ZFAND6: variants seen among roughly 807,000 people sequenced by gnomAD.
ZFAND6 encodes zinc finger AN1-type containing 6.
ZFAND6 carries 12 observed loss-of-function variants against 24.5 expected under a neutral mutation model. That is an observed-to-expected ratio of 0.49 (90% CI 0.31 to 0.79). The LOEUF is 0.79. Among genes scored for constraint, ZFAND6 ranks in the 30% least tolerant of loss-of-function variants. The probability of loss-of-function intolerance (pLI) is 0.04; values close to 1 mark genes in which losing one functional copy is unlikely to be tolerated. For missense variants in ZFAND6, 207 were observed against 245.9 expected, an observed-to-expected ratio of 0.84 and a Z score of 1.06; for synonymous variants, 92 against 81.5, an observed-to-expected ratio of 1.13 and a Z score of -0.69.
At chr15:80,091,654 T>TA (rs2038384906) in intron 1 of ZFAND6, among the ~76,000 whole-genome samples, 3 of 151,768 alleles carry the variant, frequency 2.0e-5, no homozygotes, top group South Asian at 4.2e-4. Context: ...AAACTTTTTT[T>TA]AAGAGACAGG....
At chr15:80,122,921 C>A in intron 5 of ZFAND6, 121 bp downstream of exon 5, 1 of 604,914 alleles carries the variant, frequency 1.7e-6, no homozygotes, top group Non-Finnish European at 2.8e-6. Context: ...TCCCTATGAA[C>A]ACAATACTTT....
At chr15:80,060,157 C>T (rs1316534805) in intron 1 of ZFAND6, 1 of 152,084 alleles carries the variant, frequency 6.6e-6, no homozygotes, top group Non-Finnish European at 1.5e-5. Flanking sequence ...GCGCGCCGCC[C>T]CGAGCGGGTT....
At chr15:80,129,491 G>A (rs1223378592) in intron 5 of ZFAND6, 2 of 152,220 alleles carry the variant, frequency 1.3e-5, no homozygotes, top group Non-Finnish European at 2.9e-5. Flanking sequence ...AGGACTGGAG[G>A]TTCAGATGGG....
At chr15:80,116,159 G>T (rs528819880) in intron 2 of ZFAND6, among the ~76,000 whole-genome samples, 1 of 148,976 alleles carries the variant, frequency 6.7e-6, no homozygotes, top group East Asian at 2.0e-4. Context: ...GAGAGATATT[G>T]CAGGTCTGTT....
intron 2 of ZFAND6, among the ~76,000 whole-genome samples, chr15:80,104,835 A>T (rs894052119): frequency 6.6e-5 from 10 of 152,016 alleles, no homozygotes; most frequent in Non-Finnish European, 7.4e-5. Context: ...ATTTTTTTTT[A>T]ACCATTTTTA....
chr15:80,133,619 G>A (rs2040720935), intron 6 of ZFAND6, among the ~76,000 whole-genome samples: 1 of 152,166 alleles, frequency 6.6e-6, no homozygotes, highest in Non-Finnish European at 1.5e-5. Context: ...ACTATATTAA[G>A]TTGTTGGAGA....
intron 4 of ZFAND6, 100 bp from the exon 5 acceptor site, chr15:80,122,600 T>TTAA: frequency 1.4e-6 from 1 of 727,460 alleles, no homozygotes. Flanking sequence ...TGTTCTCATC[T>TTAA]TAATTATCTA....
intron 1 of ZFAND6, among the ~76,000 whole-genome samples, chr15:80,081,948 T>C (rs2037694735): frequency 6.6e-6 from 1 of 152,168 alleles, no homozygotes; most frequent in Admixed American, 6.5e-5. Context: ...TCTGAGACAT[T>C]CCTTGAAGAT....
intron 1 of ZFAND6, among the ~76,000 whole-genome samples, chr15:80,092,745 AT>A (rs1327476517): frequency 2.0e-5 from 3 of 152,154 alleles, no homozygotes; most frequent in African/African-American, 4.8e-5. Flanking sequence ...TACCAATAGA[AT>A]TTTTAAAAAT....
intron 2 of ZFAND6, among the ~76,000 whole-genome samples, chr15:80,104,575 C>T (rs1254658471): frequency 1.3e-5 from 2 of 152,290 alleles, no homozygotes; most frequent in East Asian, 1.9e-4. Context: ...CAGAAACTTA[C>T]ATTTTACTTT....
At chr15:80,116,295 C>G (rs1043281799) in intron 2 of ZFAND6, among the ~76,000 whole-genome samples, 3 of 152,096 alleles carry the variant, frequency 2.0e-5, no homozygotes, top group African/African-American at 7.2e-5. Flanking sequence ...GTTTTATAAG[C>G]AGTGGATTCT....
intron 1 of ZFAND6, among the ~76,000 whole-genome samples, chr15:80,086,797 G>A (rs868289228): frequency 3.9e-5 from 6 of 152,134 alleles, no homozygotes; most frequent in Non-Finnish European, 1.5e-5. Flanking sequence ...AACTGAAACT[G>A]TACCCATTAA....
intron 6 of ZFAND6, among the ~76,000 whole-genome samples, chr15:80,133,927 G>A (rs550963638): frequency 6.6e-6 from 1 of 151,484 alleles, no homozygotes; most frequent in Admixed American, 6.6e-5. Flanking sequence ...TTACATTAAT[G>A]CTTTGTCCCT....
chr15:80,085,421 A>G (rs1024184621), intron 1 of ZFAND6, among the ~76,000 whole-genome samples: 2 of 152,188 alleles, frequency 1.3e-5, no homozygotes, highest in African/African-American at 4.8e-5. Flanking sequence ...AAGTAAATTA[A>G]TTTTTTAAAC....
chr15:80,114,663 A>G (rs1026967305), intron 2 of ZFAND6, among the ~76,000 whole-genome samples: 1 of 152,144 alleles, frequency 6.6e-6, no homozygotes, highest in Non-Finnish European at 1.5e-5. Context: ...TTTAAATGAC[A>G]TGTGTGTGCT....
At chr15:80,112,432 C>T (rs2039656121) in intron 2 of ZFAND6, among the ~76,000 whole-genome samples, 1 of 152,026 alleles carries the variant, frequency 6.6e-6, no homozygotes, top group South Asian at 2.1e-4. Flanking sequence ...GAGTCTTGCT[C>T]TGTTGCCCAG....
At chr15:80,070,690 A>G (rs543189500) in intron 1 of ZFAND6, among the ~76,000 whole-genome samples, 33 of 152,348 alleles carry the variant, frequency 2.2e-4, no homozygotes, top group East Asian at 7.7e-4. Context: ...TATTTGTTTC[A>G]TAATTAACTT....
chr15:80,079,410 C>T (rs34112402), intron 1 of ZFAND6, among the ~76,000 whole-genome samples: 79,172 of 151,348 alleles, frequency 0.52, 22,664 homozygotes, highest in Non-Finnish European at 0.65. Flanking sequence ...TTAGTAGAGA[C>T]GGGGTTTCAC....
chr15:80,078,063 C>G lies in ZFAND6; in HGVS notation c.-181+18254C>G, dbSNP rs143547217. Among the ~76,000 whole-genome samples the G allele has an allele frequency of 4.7e-3, 720 of 152,096 alleles. 6 individuals carry two copies. Among genetic ancestry groups the G allele is most frequent in the African/African-American group, 0.016 (667 of 41,494 alleles). Reference sequence around the variant, plus strand: ...AGTCTTTTGCTATATTTTATTTTTTCAACTTTTATTTTAGGTTCAGGGGTA... The same window carrying G: ...AGTCTTTTGCTATATTTTATTTTTTGAACTTTTATTTTAGGTTCAGGGGTA... On this transcript the variant is annotated intron_variant, in intron 1 of 6. Coordinates refer to ENST00000261749, the MANE Select transcript of ZFAND6 (RefSeq NM_019006.4).
Sources: allele counts gnomAD v4.1 joint callset (sites outside exome capture counted in the v4.1 genomes callset), GRCh38; gene constraint gnomAD v4.1.1; transcripts MANE v1.5; gene names NCBI Gene and HGNC (gene_info 2026-07-23, HGNC 2026-07-21).